MYO5A: variants seen among roughly 807,000 people sequenced by gnomAD.
MYO5A encodes the protein myosin VA.
A neutral mutation model predicts 249.7 loss-of-function variants in MYO5A; 98 were observed. The observed-to-expected ratio is 0.39, with a 90% CI of 0.33 to 0.46. The LOEUF is 0.46. Ranked by LOEUF, MYO5A falls within the 20% of genes least tolerant of loss-of-function variation. The probability of loss-of-function intolerance (pLI) is 0.98; values close to 1 mark genes in which losing one functional copy is unlikely to be tolerated. For missense variants in MYO5A, 1,696 were observed against 2,308.8 expected (o/e 0.73, Z 5.44); for synonymous variants, 778 against 810.6 (o/e 0.96, Z 0.68).
chr15:52,397,955 T>C (rs1459060112), intron 9 of MYO5A, among the ~76,000 whole-genome samples: 1 of 152,100 alleles, frequency 6.6e-6, no homozygotes, highest in Non-Finnish European at 1.5e-5. Context: ...ATATGTTCTA[T>C]TTTGGAAGGA....
chr15:52,492,844 C>A (rs28665952), intron 1 of MYO5A, among the ~76,000 whole-genome samples: 6,052 of 152,192 alleles, frequency 0.04, 330 homozygotes, highest in African/African-American at 0.13. Flanking sequence ...GGGGCCCGGG[C>A]ACATGGGAAT....
intron 23 of MYO5A, 30 bp downstream of exon 23, chr15:52,367,001 G>A: frequency 6.5e-7 from 1 of 1,550,080 alleles, no homozygotes; most frequent in Non-Finnish European, 8.9e-7. Flanking sequence ...TGTGAGGTTG[G>A]TTGGCGTGTA....
intron 30 of MYO5A, among the ~76,000 whole-genome samples, chr15:52,345,712 T>C (rs1198312118): frequency 6.6e-6 from 1 of 152,166 alleles, no homozygotes; most frequent in African/African-American, 2.4e-5. Flanking sequence ...ATCCAATGGA[T>C]ATTGAGGGCT....
At chr15:52,343,336 A>G (rs1445270519) in intron 30 of MYO5A, 139 bp from the exon 31 acceptor site, 4 of 738,672 alleles carry the variant, frequency 5.4e-6, no homozygotes, top group Non-Finnish European at 9.5e-6. Flanking sequence ...TTAAGACATT[A>G]CCACAAAAAT....
At chr15:52,347,518 A>G (rs544283165) in intron 29 of MYO5A, among the ~76,000 whole-genome samples, 6 of 152,358 alleles carry the variant, frequency 3.9e-5, no homozygotes, top group South Asian at 2.1e-4. Context: ...AGGCCTTGCA[A>G]TGAAACAGAC....
intron 1 of MYO5A, among the ~76,000 whole-genome samples, chr15:52,482,903 T>G (rs549637988): frequency 2.6e-5 from 4 of 152,274 alleles, no homozygotes; most frequent in African/African-American, 9.6e-5. Context: ...GTGATTAGGC[T>G]TCTATCATTG....
chr15:52,474,808 T>A (rs1214694049), intron 1 of MYO5A, among the ~76,000 whole-genome samples: 1 of 152,224 alleles, frequency 6.6e-6, no homozygotes, highest in Non-Finnish European at 1.5e-5. Flanking sequence ...TTATTGAGGA[T>A]TTTTGCATCG....
At chr15:52,397,007 A>AT (rs201769979) in intron 10 of MYO5A, among the ~76,000 whole-genome samples, 194 bp downstream of exon 10, 20 of 151,508 alleles carry the variant, frequency 1.3e-4, no homozygotes, top group South Asian at 2.1e-4. Flanking sequence ...GATGTGAACT[A>AT]TTTTTTTTTG....
At chr15:52,397,666 C>G (rs2042549582) in intron 9 of MYO5A, among the ~76,000 whole-genome samples, 200 bp from the exon 10 acceptor site, 1 of 152,192 alleles carries the variant, frequency 6.6e-6, no homozygotes. Context: ...GCAATCTCTT[C>G]TGGGGCTCAC....
chr15:52,407,118 T>C (rs1465334495), intron 8 of MYO5A, among the ~76,000 whole-genome samples, 174 bp downstream of exon 8: 1 of 152,212 alleles, frequency 6.6e-6, no homozygotes, highest in Non-Finnish European at 1.5e-5. Context: ...AACAGTTCCA[T>C]CATCCCAAAA....
At chr15:52,368,289 A>G (rs549183946) in intron 22 of MYO5A, among the ~76,000 whole-genome samples, 2 of 152,222 alleles carry the variant, frequency 1.3e-5, no homozygotes, top group South Asian at 2.1e-4. Context: ...ACCTTGCCTT[A>G]ACATCCACTC....
rs552247940 is a variant in MYO5A at position 52,369,562 on chromosome 15, C to A, written c.3066+607G>T. Among the ~76,000 whole-genome samples the A allele has an allele frequency of 1.2e-4, 19 of 152,272 alleles. No homozygotes were observed. In the South Asian group the frequency reaches 3.7e-3, roughly 30 times the overall value. On this transcript the variant is annotated intron_variant, in intron 22 of 41. Coordinates refer to ENST00000399233, the MANE Select transcript of MYO5A (RefSeq NM_001382347.1). Reference sequence around the variant, plus strand: ...TCCATCTGCGTAAAGCTGTTGGTTGCAATCACTGTGCAGACATTTAGACTT... The same window carrying A: ...TCCATCTGCGTAAAGCTGTTGGTTGAAATCACTGTGCAGACATTTAGACTT...
intron 1 of MYO5A, among the ~76,000 whole-genome samples, chr15:52,500,941 T>G (rs930537174): frequency 1.3e-5 from 2 of 151,976 alleles, no homozygotes; most frequent in African/African-American, 4.8e-5. Flanking sequence ...TATTTAAATA[T>G]TGTTTGTATT....
intron 24 of MYO5A, 56 bp downstream of exon 24, chr15:52,364,498 C>A: frequency 6.6e-7 from 1 of 1,520,760 alleles, no homozygotes; most frequent in Non-Finnish European, 9.0e-7. Context: ...ATTCTATTTA[C>A]TTTTGTATAT....
chr15:52,473,620 C>G (rs1022485627), intron 1 of MYO5A, among the ~76,000 whole-genome samples: 1 of 152,210 alleles, frequency 6.6e-6, no homozygotes, highest in South Asian at 2.1e-4. Flanking sequence ...TATGGCTACC[C>G]AGTTTTCCCA....
intron 4 of MYO5A, among the ~76,000 whole-genome samples, chr15:52,421,517 C>G (rs888539389): frequency 1.3e-5 from 2 of 150,050 alleles, no homozygotes; most frequent in African/African-American, 4.9e-5. Flanking sequence ...TTATATTCTA[C>G]TCTTTGGAGG....
chr15:52,378,543 G>A (rs1351329158), intron 18 of MYO5A, among the ~76,000 whole-genome samples: 2 of 42,214 alleles, frequency 4.7e-5, no homozygotes. Context: ...AAGGGAATTG[G>A]GGCAAACTCA....
Position 52,321,340 on chromosome 15 carries a change from A to C in MYO5A, c.4951+19T>G, listed in dbSNP as rs774741904. 1 of 1,614,106 alleles carries C rather than the reference A, an allele frequency of 6.2e-7. No individual in the cohort carries two copies. Among genetic ancestry groups the C allele is most frequent in the Non-Finnish European group, 8.5e-7 (1 of 1,180,024 alleles). On this transcript the variant is annotated intron_variant, in intron 38 of 41. Transcript: ENST00000399233. Reference sequence around the variant, plus strand: ...GAATGATAGGCAGGCTGCAATGCCCAGTGGGGCCCTGGCCTTACCAATCAT... The same window carrying C: ...GAATGATAGGCAGGCTGCAATGCCCCGTGGGGCCCTGGCCTTACCAATCAT...
At chr15:52,492,077 T>C (rs1364731369) in intron 1 of MYO5A, among the ~76,000 whole-genome samples, 1 of 152,174 alleles carries the variant, frequency 6.6e-6, no homozygotes, top group Non-Finnish European at 1.5e-5. Context: ...TTGATAATAT[T>C]AAGGAATTAT....
Sources: allele counts gnomAD v4.1 joint callset (sites outside exome capture counted in the v4.1 genomes callset), GRCh38; gene constraint gnomAD v4.1.1; transcripts MANE v1.5; gene names NCBI Gene and HGNC (gene_info 2026-07-23, HGNC 2026-07-21).